The following NCKAP5 variants were observed in gnomAD, a reference collection of about 807,000 sequenced individuals.
NCKAP5 encodes nck-associated protein 5.
In NCKAP5, 92 loss-of-function variants were observed where a neutral mutation model predicts 167.0. The observed-to-expected ratio is 0.55, with a 90% CI of 0.47 to 0.66. The LOEUF is 0.66. NCKAP5 is among the 30% of genes least tolerant of loss of function. NCKAP5 has a pLI of 0.00. For missense variants in NCKAP5, 2,378 were observed against 2,315.0 expected, an observed-to-expected ratio of 1.03 and a Z score of -0.56; for synonymous variants, 891 against 877.4, an observed-to-expected ratio of 1.02 and a Z score of -0.27.
chr2:133,389,515 G>T (rs1208816858), intron 3 of NCKAP5, among the ~76,000 whole-genome samples: 1 of 152,132 alleles, frequency 6.6e-6, no homozygotes, highest in Non-Finnish European at 1.5e-5. Context: ...CTAACGTTTT[G>T]GTATGTATTA....
At chr2:133,586,422 G>A in the NCKAP5 span, among the ~76,000 whole-genome samples, 1,298 of 152,202 alleles carry the variant, frequency 8.5e-3, 28 homozygotes, top group African/African-American at 0.03. Flanking sequence ...TGCTTGCTGT[G>A]GGTGATTTAC....
intron 6 of NCKAP5, among the ~76,000 whole-genome samples, chr2:133,023,307 C>T (rs1206140447): frequency 6.6e-6 from 1 of 152,182 alleles, no homozygotes; most frequent in African/African-American, 2.4e-5. Flanking sequence ...TTCATACTGT[C>T]TCTTAGACCT....
intron 6 of NCKAP5, among the ~76,000 whole-genome samples, chr2:133,052,434 T>A (rs749971709): frequency 6.6e-6 from 1 of 152,062 alleles, no homozygotes; most frequent in Non-Finnish European, 1.5e-5. Flanking sequence ...CTGGAGAGTT[T>A]GGGCCGGGCA....
At chr2:133,180,038 G>A (rs146745730) in intron 5 of NCKAP5, among the ~76,000 whole-genome samples, 5 of 152,152 alleles carry the variant, frequency 3.3e-5, no homozygotes, top group East Asian at 1.9e-4. Context: ...ACAAACCATC[G>A]TCAAGCTTCT....
intron 6 of NCKAP5, among the ~76,000 whole-genome samples, chr2:133,049,544 C>CAAA (rs59494014): frequency 4.7e-4 from 37 of 78,182 alleles, no homozygotes; most frequent in Middle Eastern, 8.2e-3. Context: ...GACTCTGTCT[C>CAAA]AAAAAAAAAA....
chr2:133,414,132 G>T (rs780972526), intron 3 of NCKAP5, among the ~76,000 whole-genome samples: 2 of 152,144 alleles, frequency 1.3e-5, no homozygotes, highest in Non-Finnish European at 2.9e-5. Context: ...AGCAATTTCT[G>T]TCATAACTCA....
intron 4 of NCKAP5, among the ~76,000 whole-genome samples, chr2:133,291,159 G>A (rs1342211774): frequency 1.3e-5 from 2 of 152,172 alleles, no homozygotes; most frequent in African/African-American, 4.8e-5. Flanking sequence ...TTCAAGATGG[G>A]TGAAACTTTA....
At chr2:133,668,839 C>T in the NCKAP5 span, among the ~76,000 whole-genome samples, 2 of 152,140 alleles carry the variant, frequency 1.3e-5, no homozygotes, top group Admixed American at 1.3e-4. Context: ...CTCAAACTCT[C>T]ATAATGCGTA....
At chr2:132,693,619 CTTTTT>C (rs1185832600) in intron 19 of NCKAP5, among the ~76,000 whole-genome samples, 1 of 84,470 alleles carries the variant, frequency 1.2e-5, no homozygotes, top group Non-Finnish European at 2.2e-5. Flanking sequence ...CCCACCCCGC[CTTTTT>C]TTTTTTTTTT....
chr2:133,582,524 T>C, the NCKAP5 span, among the ~76,000 whole-genome samples: 2 of 152,206 alleles, frequency 1.3e-5, no homozygotes, highest in Admixed American at 1.3e-4. Flanking sequence ...CCTGCTTCTA[T>C]ACAATTTTAC....
intron 4 of NCKAP5, among the ~76,000 whole-genome samples, chr2:133,243,853 T>C (rs975794129): frequency 2.6e-5 from 4 of 152,230 alleles, no homozygotes; most frequent in African/African-American, 9.6e-5. Flanking sequence ...AAAATGCATG[T>C]AATTCCCATC....
At chr2:133,655,089 T>C in the NCKAP5 span, among the ~76,000 whole-genome samples, 1 of 152,166 alleles carries the variant, frequency 6.6e-6, no homozygotes, top group African/African-American at 2.4e-5. Flanking sequence ...ATTATTTACT[T>C]CCATAGCTAG....
At chr2:132,773,035 C>T (rs1682223364) in intron 16 of NCKAP5, among the ~76,000 whole-genome samples, 1 of 152,334 alleles carries the variant, frequency 6.6e-6, no homozygotes, top group South Asian at 2.1e-4. Flanking sequence ...CCAAATGTGA[C>T]TTGCGGAAGT....
chr2:133,531,987 G>C (rs922374335), intron 2 of NCKAP5, among the ~76,000 whole-genome samples: 2 of 152,140 alleles, frequency 1.3e-5, no homozygotes, highest in African/African-American at 2.4e-5. Context: ...CCTGTAGTAG[G>C]AAAGCATTCT....
chr2:132,763,856 C>T (rs1028298902), intron 16 of NCKAP5, among the ~76,000 whole-genome samples: 1 of 152,156 alleles, frequency 6.6e-6, no homozygotes, highest in African/African-American at 2.4e-5. Context: ...AGGGCAGATA[C>T]TATGTCTTAT....
At chr2:133,389,797 T>C (rs573382716) in intron 3 of NCKAP5, among the ~76,000 whole-genome samples, 1 of 152,302 alleles carries the variant, frequency 6.6e-6, no homozygotes, top group East Asian at 1.9e-4. Flanking sequence ...AAGACTCCAA[T>C]GTTGAGCAAT....
chr2:133,646,142 C>T, the NCKAP5 span, among the ~76,000 whole-genome samples: 1 of 151,498 alleles, frequency 6.6e-6, no homozygotes, highest in Non-Finnish European at 1.5e-5. Flanking sequence ...TCTTTTTATT[C>T]AAAAAGATAG....
At chr2:133,655,390 A>C in the NCKAP5 span, among the ~76,000 whole-genome samples, 1 of 152,176 alleles carries the variant, frequency 6.6e-6, no homozygotes. Flanking sequence ...GAAACACTAG[A>C]CTAGGACCAA....
chr2:133,170,034 T>A (rs977851289), intron 5 of NCKAP5, among the ~76,000 whole-genome samples: 1 of 152,200 alleles, frequency 6.6e-6, no homozygotes, highest in African/African-American at 2.4e-5. Flanking sequence ...AATGCTTACC[T>A]TGGATGATGT....
Sources: allele counts gnomAD v4.1 joint callset (sites outside exome capture counted in the v4.1 genomes callset), GRCh38; gene constraint gnomAD v4.1.1; transcripts MANE v1.5; gene names NCBI Gene and HGNC (gene_info 2026-07-23, HGNC 2026-07-21).